Variants in SPOCK1 observed in about 807,000 individuals in gnomAD.
SPOCK1 encodes the protein testican-1.
Under a neutral mutation model 55.3 loss-of-function variants are expected in SPOCK1, and 23 were observed. The observed-to-expected ratio is 0.42, with a 90% CI of 0.30 to 0.59. The LOEUF (loss-of-function observed/expected upper bound fraction) is 0.59, where lower values mean the gene tolerates loss of function less well. SPOCK1 is among the 20% of genes least tolerant of loss of function. The pLI, the probability that SPOCK1 is intolerant of heterozygous loss-of-function variation, is 0.22. For synonymous variants in SPOCK1, 226 were observed against 221.0 expected (o/e 1.02, Z -0.20); for missense variants, 499 against 552.5 (o/e 0.90, Z 0.97).
chr5:137,123,941 C>T (rs1021229602), intron 4 of SPOCK1, among the ~76,000 whole-genome samples: 3 of 152,028 alleles, frequency 2.0e-5, no homozygotes, highest in South Asian at 2.1e-4. Context: ...CCAATTTGTA[C>T]CCCCAATGCC....
rs373455442 is a variant in SPOCK1 at position 137,072,657 on chromosome 5, C to T, written c.475-4828G>A. ...GTAAAGCACAGCTAACAACCTCTTT[C>T]TGGTTCATTGCTCACACAGGTCTCA... On this transcript the variant is annotated intron_variant, in intron 5 of 10. Coordinates refer to ENST00000394945, the MANE Select transcript of SPOCK1 (RefSeq NM_004598.4). Among the ~76,000 whole-genome samples, 35 of 152,348 alleles carry T rather than the reference C, an allele frequency of 2.3e-4. 1 individual carries two copies. The South Asian group carries it at 7.0e-3, about 31-fold the overall frequency.
chr5:137,223,477 C>A (rs532388005), intron 3 of SPOCK1, among the ~76,000 whole-genome samples: 10 of 152,136 alleles, frequency 6.6e-5, no homozygotes, highest in South Asian at 4.1e-4. Context: ...TTATTTTCCT[C>A]TTTCCTCACA....
chr5:137,365,064 T>A (rs1192008662), intron 2 of SPOCK1: 1 of 152,224 alleles, frequency 6.6e-6, no homozygotes, highest in Non-Finnish European at 1.5e-5. Flanking sequence ...GGGCCTCAGG[T>A]CATACTTCTG....
intron 5 of SPOCK1, among the ~76,000 whole-genome samples, chr5:137,087,209 T>C (rs2127017176): frequency 6.6e-6 from 1 of 151,926 alleles, no homozygotes; most frequent in South Asian, 2.1e-4. Flanking sequence ...AGCAGGGAGG[T>C]GTCACTAGGT....
chr5:137,128,339 T>C (rs1382343384), intron 4 of SPOCK1, among the ~76,000 whole-genome samples: 1 of 152,168 alleles, frequency 6.6e-6, no homozygotes, highest in Non-Finnish European at 1.5e-5. Context: ...AGATAACAAC[T>C]GACATTAAAC....
At chr5:137,477,802 T>C (rs183809576) in intron 2 of SPOCK1, among the ~76,000 whole-genome samples, 1 of 152,166 alleles carries the variant, frequency 6.6e-6, no homozygotes, top group Non-Finnish European at 1.5e-5. Flanking sequence ...TGTAAAAAGC[T>C]GACAAAAGCA....
chr5:137,134,050 T>C (rs1376971605), intron 4 of SPOCK1, among the ~76,000 whole-genome samples: 1 of 152,146 alleles, frequency 6.6e-6, no homozygotes, highest in Non-Finnish European at 1.5e-5. Context: ...CAGAGGAGGC[T>C]GTGCAGCATA....
intron 3 of SPOCK1, among the ~76,000 whole-genome samples, chr5:137,244,449 G>T (rs1264017279): frequency 6.6e-6 from 1 of 152,118 alleles, no homozygotes; most frequent in Non-Finnish European, 1.5e-5. Flanking sequence ...AACCATTTTT[G>T]AGGCAACTAA....
chr5:137,237,497 T>G (rs1756202428), intron 3 of SPOCK1, among the ~76,000 whole-genome samples: 1 of 152,218 alleles, frequency 6.6e-6, no homozygotes, highest in Non-Finnish European at 1.5e-5. Context: ...TCTGAGTAAA[T>G]GATGCTTTAC....
At chr5:137,351,343 A>T (rs537705001) in intron 2 of SPOCK1, among the ~76,000 whole-genome samples, 1 of 152,340 alleles carries the variant, frequency 6.6e-6, no homozygotes, top group Non-Finnish European at 1.5e-5. Context: ...TGGAAACAAA[A>T]TGCCCTCTTC....
chr5:137,110,263 A>T (rs565777690), intron 5 of SPOCK1, among the ~76,000 whole-genome samples: 3 of 152,200 alleles, frequency 2.0e-5, no homozygotes, highest in South Asian at 2.1e-4. Context: ...GACTGGAGGC[A>T]GGGAGACCTA....
At chr5:137,256,387 C>T (rs1158467009) in intron 3 of SPOCK1, among the ~76,000 whole-genome samples, 2 of 152,120 alleles carry the variant, frequency 1.3e-5, no homozygotes, top group Non-Finnish European at 2.9e-5. Context: ...ATGTATTTGG[C>T]TTATGGTTCT....
chr5:137,324,057 A>G (rs1758029816), intron 2 of SPOCK1, among the ~76,000 whole-genome samples: 1 of 152,196 alleles, frequency 6.6e-6, no homozygotes, highest in Non-Finnish European at 1.5e-5. Flanking sequence ...ATAAAAGCCA[A>G]GAGGTGGAAA....
intron 3 of SPOCK1, among the ~76,000 whole-genome samples, chr5:137,218,411 C>A (rs1053730035): frequency 1.6e-4 from 25 of 152,212 alleles, no homozygotes; most frequent in Non-Finnish European, 4.4e-5. Context: ...GGTTCTTGGA[C>A]ATTGCAAGTT....
At chr5:137,419,924 T>C (rs183162156) in intron 2 of SPOCK1, among the ~76,000 whole-genome samples, 75 of 152,344 alleles carry the variant, frequency 4.9e-4, no homozygotes, top group South Asian at 1.9e-3. Flanking sequence ...TTCAGTATGA[T>C]ATTGGCTGTG....
chr5:137,232,379 C>T (rs953759909), intron 3 of SPOCK1, among the ~76,000 whole-genome samples: 5 of 152,164 alleles, frequency 3.3e-5, no homozygotes, highest in East Asian at 1.9e-4. Flanking sequence ...GATGAGGCTT[C>T]GGTCCAGATT....
At chr5:137,310,385 C>T (rs1487247689) in intron 2 of SPOCK1, among the ~76,000 whole-genome samples, 1 of 152,204 alleles carries the variant, frequency 6.6e-6, no homozygotes, top group East Asian at 1.9e-4. Context: ...TGGAACCATG[C>T]TAGTGTCATC....
chr5:137,009,362 A>G (rs984812694), intron 6 of SPOCK1, among the ~76,000 whole-genome samples: 2 of 152,216 alleles, frequency 1.3e-5, no homozygotes, highest in Non-Finnish European at 2.9e-5. Context: ...ATATCCACCA[A>G]TGGAAAAACT....
At chr5:137,277,674 T>A (rs1433346581) in intron 2 of SPOCK1, among the ~76,000 whole-genome samples, 1 of 152,128 alleles carries the variant, frequency 6.6e-6, no homozygotes, top group Non-Finnish European at 1.5e-5. Context: ...ATCTGTGAAA[T>A]AGGGGATGAA....
Sources: gnomAD v4.1 joint callset for allele counts (sites outside exome capture counted in the v4.1 genomes callset) on GRCh38, gnomAD v4.1.1 for gene constraint, MANE v1.5 for transcripts, NCBI Gene and HGNC (gene_info 2026-07-23, HGNC 2026-07-21) for gene names.